The following NCOA2 variants were observed in gnomAD, a reference collection of about 807,000 sequenced individuals.
NCOA2 encodes nuclear receptor coactivator 2.
A neutral mutation model predicts 145.1 loss-of-function variants in NCOA2; 21 were observed. The observed-to-expected ratio is 0.14, with a 90% CI of 0.10 to 0.21. The LOEUF is 0.21. NCOA2 is among the 10% of genes least tolerant of loss of function. The probability of loss-of-function intolerance (pLI) is 1.00; values close to 1 mark genes in which losing one functional copy is unlikely to be tolerated. For missense variants in NCOA2, 1,472 were observed against 1,837.6 expected, an observed-to-expected ratio of 0.80 and a Z score of 3.64; for synonymous variants, 619 against 637.5, an observed-to-expected ratio of 0.97 and a Z score of 0.44.
chr8:70,174,846 A>G lies in NCOA2; in HGVS notation c.273T>C (p.Ala91=), dbSNP rs776141755. The change falls in exon 5 of 23, where the codon GCT becomes GCC. Residue 91 remains alanine, a synonymous_variant. Coordinates refer to ENST00000452400, the MANE Select transcript of NCOA2 (RefSeq NM_006540.4). The part of the protein sequence containing the change: ...RQIKEQEKAA[A]ANIDEVQKSD... ...ACTTCTGCACTTCATCTATGTTGGCAGCTGCTGCTTTCTCTGCAATAAACA... is the reference window on the plus strand; with the variant it reads ...ACTTCTGCACTTCATCTATGTTGGCGGCTGCTGCTTTCTCTGCAATAAACA... 1.9e-5 allele frequency: 31 copies of G among 1,613,460 alleles called. No individual in the cohort carries two copies. In the South Asian group the frequency reaches 3.2e-4, roughly 17 times the overall value.
intron 2 of NCOA2, among the ~76,000 whole-genome samples, chr8:70,284,037 G>A (rs1826067291): frequency 6.6e-6 from 1 of 152,130 alleles, no homozygotes; most frequent in African/African-American, 2.4e-5. Flanking sequence ...CTCCATGTTA[G>A]AAACAGCCCC....
intron 4 of NCOA2, among the ~76,000 whole-genome samples, chr8:70,176,120 T>G (rs913038588): frequency 6.6e-6 from 1 of 152,148 alleles, no homozygotes; most frequent in African/African-American, 2.4e-5. Flanking sequence ...TGAGCCAAAG[T>G]AAATGGGATG....
chr8:70,388,931 C>T (rs946826750), intron 1 of NCOA2, among the ~76,000 whole-genome samples: 1 of 152,090 alleles, frequency 6.6e-6, no homozygotes, highest in Non-Finnish European at 1.5e-5. Flanking sequence ...AATTTTTGCA[C>T]ATTTCAAGTA....
intron 4 of NCOA2, among the ~76,000 whole-genome samples, chr8:70,186,207 T>A (rs1167933902): frequency 6.6e-6 from 1 of 152,190 alleles, no homozygotes; most frequent in Non-Finnish European, 1.5e-5. Flanking sequence ...ACCCAGGGAC[T>A]TTCTAACCAT....
intron 22 of NCOA2, 82 bp from the exon 23 acceptor site, chr8:70,113,725 A>G (rs888557034): frequency 3.8e-5 from 50 of 1,329,754 alleles, no homozygotes; most frequent in African/African-American, 4.4e-5. Context: ...AAAAACATCA[A>G]AATTCCTGAC....
chr8:70,369,492 T>C (rs575329000), intron 1 of NCOA2, among the ~76,000 whole-genome samples: 5 of 152,332 alleles, frequency 3.3e-5, no homozygotes, highest in African/African-American at 1.2e-4. Context: ...CAACTCAGTT[T>C]TCTGATTAGT....
the NCOA2 span, among the ~76,000 whole-genome samples, chr8:70,438,502 T>C: frequency 6.6e-6 from 1 of 152,208 alleles, no homozygotes; most frequent in African/African-American, 2.4e-5. Flanking sequence ...ATTTACTTAA[T>C]TGAACTTTTC....
chr8:70,132,171 T>G lies in NCOA2; in HGVS notation c.3159-169A>C, dbSNP rs148195095. ...GACAGTCTGAAATATTCGATACACT[T>G]TATTCAGTGCCCAATACAGGCCAGG... On this transcript the variant is annotated intron_variant, in intron 15 of 22. Transcript: ENST00000452400. Among the ~76,000 whole-genome samples, 14 of 152,310 alleles carry G rather than the reference T, an allele frequency of 9.2e-5. No individual in the cohort carries two copies. In the East Asian group the frequency reaches 2.7e-3, roughly 29 times the overall value.
At chr8:70,250,953 C>T (rs1220537257) in intron 2 of NCOA2, among the ~76,000 whole-genome samples, 9 of 152,106 alleles carry the variant, frequency 5.9e-5, no homozygotes, top group African/African-American at 2.2e-4. Flanking sequence ...GTGAGAAATA[C>T]ATTTCATAAA....
intron 12 of NCOA2, among the ~76,000 whole-genome samples, chr8:70,147,818 T>A (rs752383400): frequency 7.2e-5 from 11 of 152,274 alleles, no homozygotes; most frequent in Non-Finnish European, 7.3e-5. Flanking sequence ...TATTTTTTTT[T>A]AAATTTATTT....
Position 70,141,321 on chromosome 8 carries a change from G to T in NCOA2, c.2891C>A (p.Thr964Asn). ...CATGGCACTGGTGGTAGCAGCACAG[G>T]TGACTCTCACAGCCGAACTCTGCGG... ...WAPQSSAVRV[T>N]CAATTSAMNR... Residue 964 changes from threonine (T) to asparagine (N), a missense_variant, in exon 14 of 23, where the codon ACC becomes AAC. By Grantham distance (65) the Thr-to-Asn change is moderately conservative. Around this residue, in one of 4 missense-constraint regions of NCOA2, gnomAD observed 953 missense variants for 1,062.1 expected, o/e 0.90. Transcript: ENST00000452400. 1.2e-6 allele frequency: 2 copies of T among 1,613,956 alleles called. No homozygotes were observed. Among genetic ancestry groups the T allele is most frequent in the Middle Eastern group, 3.3e-4 (2 of 6,062 alleles).
chr8:70,183,657 C>T (rs183997833), intron 4 of NCOA2, among the ~76,000 whole-genome samples: 1 of 152,322 alleles, frequency 6.6e-6, no homozygotes, highest in African/African-American at 2.4e-5. Context: ...AGATGCCCTT[C>T]CACCCCTTCT....
the NCOA2 span, among the ~76,000 whole-genome samples, chr8:70,451,544 A>G: frequency 1.3e-5 from 2 of 152,126 alleles, no homozygotes; most frequent in South Asian, 2.1e-4. Context: ...TCTGTCCTTC[A>G]ATCTTGACCT....
chr8:70,439,567 C>T, the NCOA2 span, among the ~76,000 whole-genome samples: 8 of 152,186 alleles, frequency 5.3e-5, no homozygotes, highest in Admixed American at 4.6e-4. Context: ...GAGTAGAACG[C>T]GTGGCTCTGC....
In NCOA2 at chr8:70,113,524, CG is replaced by C; in HGVS notation, c.*107del. The C allele has an allele frequency of 7.6e-7, 1 of 1,312,592 alleles. No homozygotes were observed. Among genetic ancestry groups the C allele is most frequent in the Non-Finnish European group, 1.1e-6 (1 of 933,084 alleles). 81.3% of individuals were successfully genotyped at this position (1,312,592 alleles called of 1,614,324 possible). A position where few individuals can be genotyped will look rare whatever the true frequency, so the allele number is the denominator to read the frequency against. ...CCAGGCCTGTCTGCTCTAGCAGAAC[CG>C]GCTGGCAGGTCAGTTGGGTTGAAAC... On this transcript the variant is annotated 3_prime_UTR_variant, in exon 23 of 23. Coordinates refer to ENST00000452400, the MANE Select transcript of NCOA2 (RefSeq NM_006540.4).
chr8:70,200,590 T>C (rs1817780624), intron 4 of NCOA2, among the ~76,000 whole-genome samples: 1 of 152,136 alleles, frequency 6.6e-6, no homozygotes, highest in East Asian at 1.9e-4. Context: ...CCTAGTCAGG[T>C]GACACAATTG....
chr8:70,114,671 T>C (rs968088404), intron 22 of NCOA2, among the ~76,000 whole-genome samples: 2 of 152,182 alleles, frequency 1.3e-5, no homozygotes, highest in African/African-American at 4.8e-5. Flanking sequence ...AACAACATGA[T>C]CTGAGTTTGG....
At chr8:70,217,032 T>G (rs1416293924) in intron 2 of NCOA2, among the ~76,000 whole-genome samples, 1 of 152,208 alleles carries the variant, frequency 6.6e-6, no homozygotes, top group Non-Finnish European at 1.5e-5. Flanking sequence ...ACGAGTTGTA[T>G]TTCAACAGCA....
At chr8:70,330,477 G>A (rs1806995747) in intron 1 of NCOA2, among the ~76,000 whole-genome samples, 1 of 151,570 alleles carries the variant, frequency 6.6e-6, no homozygotes, top group Admixed American at 6.6e-5. Flanking sequence ...AGGCTGAGAT[G>A]GAAAGATTGT....
Sources: allele counts gnomAD v4.1 joint callset (sites outside exome capture counted in the v4.1 genomes callset), GRCh38; gene constraint gnomAD v4.1.1; regional missense constraint gnomAD v4.1.1; transcripts MANE v1.5; gene names NCBI Gene and HGNC (gene_info 2026-07-23, HGNC 2026-07-21).